CFAP77: variants seen among roughly 807,000 people sequenced by gnomAD.
The protein encoded by CFAP77 is cilia- and flagella-associated protein 77.
In CFAP77, 25 loss-of-function variants were observed where a neutral mutation model predicts 31.1. That is an observed-to-expected ratio of 0.80 (90% CI 0.59 to 1.12). The LOEUF is 1.12. Among genes scored for constraint, CFAP77 ranks in the 50% most tolerant of loss-of-function variants. The pLI, the probability that CFAP77 is intolerant of heterozygous loss-of-function variation, is 0.00. For synonymous variants in CFAP77, 151 were observed against 159.9 expected (o/e 0.94, Z 0.42); for missense variants, 377 against 397.3 (o/e 0.95, Z 0.44).
chr9:132,434,547 T>G (rs1211413886), intron 1 of CFAP77, among the ~76,000 whole-genome samples: 1 of 152,230 alleles, frequency 6.6e-6, no homozygotes, highest in Non-Finnish European at 1.5e-5. Context: ...ACTTTCATTT[T>G]AAGATTCAAA....
chr9:132,523,088 CTT>C (rs767708460), intron 3 of CFAP77, among the ~76,000 whole-genome samples: 18 of 125,208 alleles, frequency 1.4e-4, no homozygotes, highest in Admixed American at 2.5e-4. Flanking sequence ...TTTCTTCTTT[CTT>C]TTTTTTTTTT....
intron 3 of CFAP77, among the ~76,000 whole-genome samples, chr9:132,508,031 C>T (rs925647912): frequency 6.6e-6 from 1 of 152,194 alleles, no homozygotes; most frequent in African/African-American, 2.4e-5. Flanking sequence ...TTTCATCCAT[C>T]GCTGCATCTT....
At chr9:132,560,759 TC>T (rs752169284) in intron 5 of CFAP77, among the ~76,000 whole-genome samples, 37 of 152,034 alleles carry the variant, frequency 2.4e-4, no homozygotes, top group Non-Finnish European at 4.6e-4. Flanking sequence ...AAACCAATGG[TC>T]CCCCGCCCCA....
intron 1 of CFAP77, among the ~76,000 whole-genome samples, chr9:132,412,173 G>A (rs778654883): frequency 3.3e-5 from 5 of 152,178 alleles, no homozygotes; most frequent in Non-Finnish European, 5.9e-5. Flanking sequence ...ATGTACAGGA[G>A]GTGACTCACC....
chr9:132,438,542 T>TA (rs1491134869), intron 1 of CFAP77, among the ~76,000 whole-genome samples: 9,999 of 79,840 alleles, frequency 0.13, 545 homozygotes, highest in East Asian at 0.37. Flanking sequence ...TATATATATA[T>TA]TTTTTTTTTT....
chr9:132,548,774 A>G (rs1211293845), intron 5 of CFAP77, among the ~76,000 whole-genome samples: 3 of 149,608 alleles, frequency 2.0e-5, no homozygotes, highest in African/African-American at 4.9e-5. Context: ...ATACCCACCA[A>G]CATTACATAG....
intron 3 of CFAP77, among the ~76,000 whole-genome samples, chr9:132,526,037 A>C (rs1589907387): frequency 6.6e-6 from 1 of 152,300 alleles, no homozygotes; most frequent in Admixed American, 6.5e-5. Flanking sequence ...GCACTGTTAC[A>C]GCTAAAGCCG....
In CFAP77 at chr9:132,531,627, G is replaced by GT. The variant is rs60407761; in HGVS notation, c.525-5974_525-5973insT. Among the ~76,000 whole-genome samples the GT allele has an allele frequency of 4.2e-5, 6 of 144,346 alleles. No individual in the cohort carries two copies. The East Asian group carries it at 1.2e-3, about 29-fold the overall frequency. The allele number at this position is 144,346 out of a possible 152,430, so 94.7% of individuals were successfully genotyped here. A position where few individuals can be genotyped will look rare whatever the true frequency, so the allele number is the denominator to read the frequency against. ...GAGTCTGGGCTTAGGCTAAGACATG[G>GT]GGGGGGGGGCATGGAAGGCATTTTA... On this transcript the variant is annotated intron_variant, in intron 3 of 5. Coordinates refer to ENST00000393216, the MANE Select transcript of CFAP77 (RefSeq NM_001282957.2).
At chr9:132,553,657 C>G (rs901039569) in intron 5 of CFAP77, among the ~76,000 whole-genome samples, 1 of 152,196 alleles carries the variant, frequency 6.6e-6, no homozygotes, top group African/African-American at 2.4e-5. Flanking sequence ...CATAGACAAC[C>G]AGGGTCTCGA....
intron 1 of CFAP77, among the ~76,000 whole-genome samples, chr9:132,457,043 CTTTAAA>C: frequency 6.6e-6 from 1 of 152,184 alleles, no homozygotes; most frequent in Non-Finnish European, 1.5e-5. Context: ...CCAGGCAGAT[CTTTAAA>C]AAGACCCATG....
chr9:132,562,650 G>A (rs1265126920), intron 5 of CFAP77, among the ~76,000 whole-genome samples: 1 of 152,066 alleles, frequency 6.6e-6, no homozygotes, highest in Non-Finnish European at 1.5e-5. Context: ...GTAGCCACTG[G>A]CCACTCAGGG....
chr9:132,427,875 T>G (rs933601746), intron 1 of CFAP77, among the ~76,000 whole-genome samples: 12 of 152,230 alleles, frequency 7.9e-5, no homozygotes, highest in Non-Finnish European at 1.8e-4. Flanking sequence ...TATTACCAAA[T>G]GAAACCACAT....
intron 1 of CFAP77, chr9:132,421,713 T>C (rs1177380027): frequency 3.5e-5 from 2 of 57,772 alleles, no homozygotes; most frequent in Non-Finnish European, 8.1e-5. Flanking sequence ...TCTCCAGGCT[T>C]CGTGACATTC....
chr9:132,490,824 T>A lies in CFAP77; in HGVS notation c.196-7871T>A, dbSNP rs1044128479. Among the ~76,000 whole-genome samples, 6 of 152,188 alleles carry A rather than the reference T, an allele frequency of 3.9e-5. No homozygotes were observed. The highest frequency in any genetic ancestry group is 1.4e-4 in the African/African-American group (6 of 41,438). The stretch of plus-strand genomic sequence containing the variant: ...CCTCCGTCATTTTGTTCAACATTGT[T>A]ATAATGTTGATGAGAAAAGAAATCA... On this transcript the variant is annotated intron_variant, in intron 1 of 5. Transcript: ENST00000393216. The surrounding 1 kb of genome is among the most constrained non-coding windows in gnomAD (Gnocchi z 4.6).
Position 132,498,517 on chromosome 9 carries a change from C to T in CFAP77, c.196-178C>T, listed in dbSNP as rs1010382280. On this transcript the variant is annotated intron_variant, in intron 1 of 5. Coordinates refer to ENST00000393216, the MANE Select transcript of CFAP77 (RefSeq NM_001282957.2). This position sits in a 1 kb window ranked among gnomAD's most constrained non-coding sequence, Gnocchi z 4.2. ...CCGCTTCTGCTGTGTGACCCTGTGC[C>T]AGCCACAGCCTGCGCTCCTCCCAGG... Among the ~76,000 whole-genome samples the T allele has an allele frequency of 6.6e-6, 1 of 152,178 alleles. No individual in the cohort carries two copies. Among genetic ancestry groups the T allele is most frequent in the Non-Finnish European group, 1.5e-5 (1 of 68,026 alleles).
chr9:132,414,309 G>A (rs1850059790), intron 1 of CFAP77, among the ~76,000 whole-genome samples: 1 of 152,174 alleles, frequency 6.6e-6, no homozygotes, highest in African/African-American at 2.4e-5. Context: ...GAGCTTTCCT[G>A]GGGGCATAGA....
chr9:132,540,118 C>CG (rs756672241), intron 4 of CFAP77, among the ~76,000 whole-genome samples: 89 of 152,062 alleles, frequency 5.9e-4, no homozygotes, highest in Non-Finnish European at 3.4e-4. Flanking sequence ...TTAGTAGAGA[C>CG]GGGGTCTCAC....
At chr9:132,522,908 C>T (rs960758756) in intron 3 of CFAP77, among the ~76,000 whole-genome samples, 4 of 152,212 alleles carry the variant, frequency 2.6e-5, no homozygotes, top group South Asian at 2.1e-4. Flanking sequence ...ACCGGCCACG[C>T]GGCCTCAGCC....
chr9:132,491,541 C>G (rs1851654050), intron 1 of CFAP77, among the ~76,000 whole-genome samples: 1 of 152,220 alleles, frequency 6.6e-6, no homozygotes, highest in African/African-American at 2.4e-5. Context: ...AAGTGCTCAG[C>G]AAGCCCTTCG....
Sources: allele counts gnomAD v4.1 joint callset (sites outside exome capture counted in the v4.1 genomes callset), GRCh38; gene constraint gnomAD v4.1.1; non-coding constraint Gnocchi (gnomAD v3.1); transcripts MANE v1.5; gene names NCBI Gene and HGNC (gene_info 2026-07-23, HGNC 2026-07-21).